The following LRMDA variants were observed in gnomAD, a reference collection of about 807,000 sequenced individuals.
LRMDA encodes the protein leucine-rich melanocyte differentiation-associated protein.
Under a neutral mutation model 29.8 loss-of-function variants are expected in LRMDA, and 18 were observed. The ratio of observed to expected loss-of-function variants is 0.60; its 90% CI spans 0.42 to 0.90. The LOEUF (loss-of-function observed/expected upper bound fraction) is 0.90. Ranked by LOEUF, LRMDA falls within the 40% of genes least tolerant of loss-of-function variation. The pLI, the probability that LRMDA is intolerant of heterozygous loss-of-function variation, is 0.00. For missense variants in LRMDA, 273 were observed against 273.9 expected, an observed-to-expected ratio of 1.00 and a Z score of 0.02; for synonymous variants, 125 against 109.4, an observed-to-expected ratio of 1.14 and a Z score of -0.89.
chr10:75,800,524 G>A (rs1193612981), intron 2 of LRMDA, among the ~76,000 whole-genome samples: 1 of 150,926 alleles, frequency 6.6e-6, no homozygotes, highest in African/African-American at 2.4e-5. Context: ...TCAAACCTCC[G>A]CCTCCCGCGT....
intron 6 of LRMDA, chr10:76,396,505 C>T (rs926803730): frequency 1.8e-4 from 28 of 152,194 alleles, no homozygotes; most frequent in African/African-American, 6.3e-4. Context: ...CCCCAGTGAA[C>T]CTGCAGGAAT....
chr10:76,367,488 G>C (rs543534439), intron 6 of LRMDA, among the ~76,000 whole-genome samples: 1 of 151,962 alleles, frequency 6.6e-6, no homozygotes, highest in African/African-American at 2.4e-5. Context: ...GCAATGGCAT[G>C]ATCTCAGCTC....
At chr10:76,169,507 A>T (rs1378405983) in intron 5 of LRMDA, among the ~76,000 whole-genome samples, 1 of 152,070 alleles carries the variant, frequency 6.6e-6, no homozygotes, top group Admixed American at 6.5e-5. Flanking sequence ...ATCAGGGCTG[A>T]TGGTTAAATC....
chr10:75,573,046 C>T (rs972459110), intron 2 of LRMDA, among the ~76,000 whole-genome samples: 2 of 152,228 alleles, frequency 1.3e-5, no homozygotes, highest in Non-Finnish European at 2.9e-5. Context: ...GCTTCCAGAA[C>T]TGTTTGTTCC....
chr10:76,276,317 T>C (rs1462916973), intron 5 of LRMDA, among the ~76,000 whole-genome samples: 1 of 151,120 alleles, frequency 6.6e-6, no homozygotes, highest in Non-Finnish European at 1.5e-5. Context: ...TTTTTTTTTT[T>C]CTTTTTTGCA....
intron 5 of LRMDA, among the ~76,000 whole-genome samples, chr10:76,255,467 C>T (rs1852576208): frequency 6.6e-6 from 1 of 152,212 alleles, no homozygotes; most frequent in African/African-American, 2.4e-5. Flanking sequence ...TTACCCATCT[C>T]AACCTTGGAT....
chr10:75,771,964 A>C (rs2132235550), intron 2 of LRMDA, among the ~76,000 whole-genome samples: 1 of 152,314 alleles, frequency 6.6e-6, no homozygotes, highest in African/African-American at 2.4e-5. Context: ...GATCAGCTAA[A>C]GCAAAGCAAC....
At chr10:75,708,076 G>A (rs1842391062) in intron 2 of LRMDA, among the ~76,000 whole-genome samples, 1 of 152,176 alleles carries the variant, frequency 6.6e-6, no homozygotes. Flanking sequence ...GGAGTGATGA[G>A]CCAAAGGTTT....
chr10:75,844,619 G>A (rs576771503), intron 2 of LRMDA, among the ~76,000 whole-genome samples: 2 of 152,194 alleles, frequency 1.3e-5, no homozygotes, highest in East Asian at 3.9e-4. Flanking sequence ...CTACAAACAG[G>A]AATACATGCA....
intron 2 of LRMDA, among the ~76,000 whole-genome samples, chr10:75,985,858 A>T (rs1046874933): frequency 6.6e-6 from 1 of 152,220 alleles, no homozygotes; most frequent in Non-Finnish European, 1.5e-5. Context: ...CCTGGAGAAG[A>T]GCTGTTGATG....
intron 2 of LRMDA, among the ~76,000 whole-genome samples, chr10:75,937,025 T>A (rs962434970): frequency 6.6e-6 from 1 of 152,220 alleles, no homozygotes; most frequent in African/African-American, 2.4e-5. Flanking sequence ...TTCTGTTTAC[T>A]GGGTAAAAAT....
chr10:76,331,949 T>C (rs1456458115), intron 6 of LRMDA, among the ~76,000 whole-genome samples: 3 of 152,202 alleles, frequency 2.0e-5, no homozygotes, highest in Non-Finnish European at 4.4e-5. Context: ...CTATTTTCAG[T>C]GTGTGCACTC....
intron 2 of LRMDA, among the ~76,000 whole-genome samples, chr10:75,541,985 C>T (rs544291647): frequency 1.4e-3 from 216 of 152,108 alleles, no homozygotes; most frequent in Non-Finnish European, 2.2e-3. Context: ...CTATATTTTC[C>T]CTTTTGTATG....
chr10:76,000,563 C>T (rs1160933045), intron 2 of LRMDA, among the ~76,000 whole-genome samples: 1 of 152,170 alleles, frequency 6.6e-6, no homozygotes, highest in Non-Finnish European at 1.5e-5. Flanking sequence ...TTGGAGCAGC[C>T]TCATTCAGGG....
At chr10:76,212,082 T>G (rs974114494) in intron 5 of LRMDA, among the ~76,000 whole-genome samples, 1 of 152,194 alleles carries the variant, frequency 6.6e-6, no homozygotes, top group East Asian at 1.9e-4. Context: ...CAGAATCTTA[T>G]AGATTATCAA....
chr10:76,472,561 A>T (rs1050973335), intron 6 of LRMDA, among the ~76,000 whole-genome samples: 12 of 151,678 alleles, frequency 7.9e-5, no homozygotes, highest in Admixed American at 5.9e-4. Flanking sequence ...GCAGAAGTTA[A>T]TGAAATAAAG....
rs78028078 is a variant in LRMDA at position 75,444,102 on chromosome 10, A to G, written c.131+5608A>G. ...TATGCTGGAAAGGAGGGTAGTTATG[A>G]ACTTATAAGTTCTGGACTTTTGTTT... On this transcript the variant is annotated intron_variant, in intron 2 of 6. Coordinates refer to ENST00000611255, the MANE Select transcript of LRMDA (RefSeq NM_001305581.2). 4.9e-3 allele frequency among the ~76,000 whole-genome samples: 748 copies of G among 152,292 alleles called. 10 individuals carry two copies. The highest frequency in any genetic ancestry group is 0.017 in the African/African-American group (716 of 41,552).
At chr10:75,578,008 A>T (rs541069565) in intron 2 of LRMDA, among the ~76,000 whole-genome samples, 1 of 152,220 alleles carries the variant, frequency 6.6e-6, no homozygotes, top group Admixed American at 6.5e-5. Context: ...AGCTAGCATC[A>T]TAATGGCAGG....
chr10:75,943,097 A>G (rs1846420987), intron 2 of LRMDA, among the ~76,000 whole-genome samples: 2 of 151,754 alleles, frequency 1.3e-5, no homozygotes, highest in South Asian at 4.2e-4. Context: ...ATGTTTCTTA[A>G]CTGTTAGATG....
Sources: gnomAD v4.1 joint callset for allele counts (sites outside exome capture counted in the v4.1 genomes callset) on GRCh38, gnomAD v4.1.1 for gene constraint, MANE v1.5 for transcripts, NCBI Gene and HGNC (gene_info 2026-07-23, HGNC 2026-07-21) for gene names.